The following PLEKHO1 variants were observed in gnomAD, a reference collection of about 807,000 sequenced individuals.
PLEKHO1 encodes pleckstrin homology domain-containing family O member 1.
A neutral mutation model predicts 41.4 loss-of-function variants in PLEKHO1; 22 were observed. That is an observed-to-expected ratio of 0.53 (90% confidence interval 0.38 to 0.76). The LOEUF (loss-of-function observed/expected upper bound fraction) is 0.76, where lower values mean the gene tolerates loss of function less well. Among genes scored for constraint, PLEKHO1 ranks in the 30% least tolerant of loss-of-function variants. The pLI is 0.00. For synonymous variants in PLEKHO1, 225 were observed against 210.8 expected, an observed-to-expected ratio of 1.07 and a Z score of -0.58; for missense variants, 488 against 518.3, an observed-to-expected ratio of 0.94 and a Z score of 0.57.
Position 150,159,768 on chromosome 1 carries a change from A to G in PLEKHO1, c.*245A>G, listed in dbSNP as rs587615940. On this transcript the variant is annotated 3_prime_UTR_variant, in exon 6 of 6. Transcript: ENST00000369124. ...AGGAAGTTTTTACCCAGCCAGAGAG[A>G]GAGAAGGCACGGTAAAGACACAGTC... 2.3e-5 allele frequency: 10 copies of G among 436,248 alleles called. No homozygotes were observed. Among genetic ancestry groups the G allele is most frequent in the South Asian group, 2.1e-4 (5 of 23,710 alleles). The allele number at this position is 436,248 out of a possible 1,614,324, so 27.0% of individuals were successfully genotyped here. A position where few individuals can be genotyped will look rare whatever the true frequency, so the allele number is the denominator to read the frequency against.
Position 150,156,058 on chromosome 1 carries a change from TCCCC to T in PLEKHO1, c.178-7_178-4del. 1 of 1,611,410 alleles carries T rather than the reference TCCCC, an allele frequency of 6.2e-7. No homozygotes were observed. Among genetic ancestry groups the T allele is most frequent in the Non-Finnish European group, 8.5e-7 (1 of 1,178,144 alleles). On this transcript the variant is annotated splice_region_variant and splice_polypyrimidine_tract_variant and intron_variant, in intron 2 of 5. Transcript: ENST00000369124. ...TATCCTCCTCACCTCACCCCAACCCTCCCCTAGGTAAAAGATGAGAAAAATATTC... is the reference window on the plus strand; with the variant it reads ...TATCCTCCTCACCTCACCCCAACCCTTAGGTAAAAGATGAGAAAAATATTC...
intron 3 of PLEKHO1, among the ~76,000 whole-genome samples, chr1:150,156,440 T>C (rs1660171547): frequency 6.6e-6 from 1 of 152,212 alleles, no homozygotes; most frequent in Admixed American, 6.5e-5. Flanking sequence ...TATCTCTTTA[T>C]TTTTCTCTGT....
intron 1 of PLEKHO1, 47 bp downstream of exon 1, chr1:150,150,334 G>T: frequency 1.0e-6 from 1 of 956,676 alleles, no homozygotes; most frequent in South Asian, 4.2e-5. Flanking sequence ...TCCGCGCTCT[G>T]ACGACCCCCG....
intron 5 of PLEKHO1, among the ~76,000 whole-genome samples, chr1:150,158,211 A>C (rs1410274133): frequency 5.3e-5 from 8 of 152,216 alleles, no homozygotes; most frequent in Non-Finnish European, 1.0e-4. Context: ...TCCTGTGTGC[A>C]TCAGATGCAG....
intron 2 of PLEKHO1, 139 bp from the exon 3 acceptor site, chr1:150,155,927 G>C: frequency 1.4e-6 from 1 of 727,622 alleles, no homozygotes; most frequent in Non-Finnish European, 2.3e-6. Flanking sequence ...TGTAGGCTTT[G>C]GGCAGACGGC....
rs1553821049 is a variant in PLEKHO1 at position 150,158,815 on chromosome 1, A to C, written c.526-4A>C. 1.3e-6 allele frequency: 2 copies of C among 1,587,028 alleles called. No individual in the cohort carries two copies. Among genetic ancestry groups the C allele is most frequent in the South Asian group, 2.2e-5 (2 of 89,788 alleles). ...TCCCCACTCATTCCCCCCTTCCTCC[A>C]CAGGCTTCCACCTCTACCTCGGATG... On this transcript the variant is annotated splice_polypyrimidine_tract_variant and splice_region_variant and intron_variant, in intron 5 of 5. Coordinates refer to ENST00000369124, the MANE Select transcript of PLEKHO1 (RefSeq NM_016274.6).
chr1:150,151,066 C>T lies in PLEKHO1; in HGVS notation c.177+8C>T, dbSNP rs1553818850. 6 of 1,613,560 alleles carry T rather than the reference C, an allele frequency of 3.7e-6. No homozygotes were observed. The highest frequency in any genetic ancestry group is 1.6e-4 in the Middle Eastern group (1 of 6,084). ...TACATCTCTGAGAAGGAGGTGGGTGCCTCTTGCCTCTAACTCTCCGTTTTC... is the reference window on the plus strand; with the variant it reads ...TACATCTCTGAGAAGGAGGTGGGTGTCTCTTGCCTCTAACTCTCCGTTTTC... On this transcript the variant is annotated splice_region_variant and intron_variant, in intron 2 of 5. Transcript: ENST00000369124.
chr1:150,156,062 C>G lies in PLEKHO1; in HGVS notation c.178-4C>G, dbSNP rs1553820334. The G allele has an allele frequency of 1.9e-6, 3 of 1,612,688 alleles. No individual in the cohort carries two copies. The highest frequency in any genetic ancestry group is 1.1e-5 in the South Asian group (1 of 90,938). Reference sequence around the variant, plus strand: ...CTCCTCACCTCACCCCAACCCTCCCCTAGGTAAAAGATGAGAAAAATATTC... The same window carrying G: ...CTCCTCACCTCACCCCAACCCTCCCGTAGGTAAAAGATGAGAAAAATATTC... On this transcript the variant is annotated splice_polypyrimidine_tract_variant and splice_region_variant and intron_variant, in intron 2 of 5. Transcript: ENST00000369124.
chr1:150,159,498 G>T lies in PLEKHO1; in HGVS notation c.1205G>T (p.Ser402Ile). ...DSHLRQTTPH[S>I]QYRKSLM ...CACCTCAGACAGACCACCCCGCACAGTCAGTACCGGAAGAGCCTGATGTGA... is the reference window on the plus strand; with the variant it reads ...CACCTCAGACAGACCACCCCGCACATTCAGTACCGGAAGAGCCTGATGTGA... The change falls in exon 6 of 6, where the codon AGT becomes ATT. Residue 402 changes from serine (S) to isoleucine (I), a missense_variant. By Grantham distance (142) the Ser-to-Ile change is moderately radical. This residue lies in a region of PLEKHO1 where 337 missense variants were observed against 324.6 expected (regional missense o/e 1.04). Coordinates refer to ENST00000369124, the MANE Select transcript of PLEKHO1 (RefSeq NM_016274.6). The T allele has an allele frequency of 6.2e-7, 1 of 1,610,712 alleles. No individual in the cohort carries two copies. The highest frequency in any genetic ancestry group is 8.5e-7 in the Non-Finnish European group (1 of 1,177,850).
rs1470919514 is a variant in PLEKHO1 at position 150,150,888 on chromosome 1, G to A, written c.31-24G>A. The A allele has an allele frequency of 3.7e-6, 6 of 1,610,832 alleles. No individual in the cohort carries two copies. In the African/African-American group the frequency reaches 6.7e-5, roughly 18 times the overall value. The stretch of plus-strand genomic sequence containing the variant: ...GCCGGCTGGAATCTCCTAACCGCCC[G>A]CTTCTCATCTTGTCCTGGGGCAGGG... On this transcript the variant is annotated intron_variant, in intron 1 of 5. Coordinates refer to ENST00000369124, the MANE Select transcript of PLEKHO1 (RefSeq NM_016274.6).
Position 150,157,497 on chromosome 1 carries a change from CTG to C in PLEKHO1, c.525+13_525+14del, listed in dbSNP as rs781882060. Reference sequence around the variant, plus strand: ...CACCTAATGGCTGTGGTATGTAAGACTGTAATAAACATTGCCAAAGGGCCAAT... The same window carrying C: ...CACCTAATGGCTGTGGTATGTAAGACTAATAAACATTGCCAAAGGGCCAAT... On this transcript the variant is annotated intron_variant, in intron 5 of 5. Transcript: ENST00000369124. The C allele has an allele frequency of 1.3e-6, 2 of 1,568,830 alleles. No homozygotes were observed. The highest frequency in any genetic ancestry group is 1.8e-6 in the Non-Finnish European group (2 of 1,139,496).
chr1:150,151,111 ACTCCCCAAGGG>A, intron 2 of PLEKHO1, 53 bp downstream of exon 2: 3 of 1,599,654 alleles, frequency 1.9e-6, no homozygotes, highest in Non-Finnish European at 2.6e-6. Flanking sequence ...CCACTTTGTC[ACTCCCCAAGGG>A]CTCGCCTAGC....
intron 5 of PLEKHO1, among the ~76,000 whole-genome samples, chr1:150,158,555 G>A (rs1271321600): frequency 6.6e-6 from 1 of 151,902 alleles, no homozygotes; most frequent in Non-Finnish European, 1.5e-5. Flanking sequence ...TGGGCGTGGT[G>A]GTGCACGCAT....
chr1:150,156,283 G>T (rs1201658817), intron 3 of PLEKHO1, 77 bp downstream of exon 3: 1 of 1,236,618 alleles, frequency 8.1e-7, no homozygotes, highest in African/African-American at 1.5e-5. Context: ...CTTCCCCTCA[G>T]TTTCTCTCTC....
In PLEKHO1 at chr1:150,157,452, G is replaced by A; in HGVS notation, c.491G>A (p.Arg164His). ...GACAGGGCAAAAATCCAGCACTCCC[G>A]CCGCCCCCCAACAAGGGGACACCTA... ...TRDRAKIQHS[R>H]RPPTRGHLMA... Residue 164 changes from arginine (R) to histidine (H), a missense_variant, in exon 5 of 6, where the codon CGC becomes CAC. Physicochemically the swap from Arg to His is conservative, Grantham distance 29 (BLOSUM62 0). Transcript: ENST00000369124. 3 of 1,613,606 alleles carry A rather than the reference G, an allele frequency of 1.9e-6. No homozygotes were observed. The highest frequency in any genetic ancestry group is 1.1e-5 in the South Asian group (1 of 91,064).
In PLEKHO1 at chr1:150,158,988, C is replaced by A; in HGVS notation, c.695C>A (p.Pro232His). 2 of 1,614,130 alleles carry A rather than the reference C, an allele frequency of 1.2e-6. No homozygotes were observed. The highest frequency in any genetic ancestry group is 1.7e-6 in the Non-Finnish European group (2 of 1,180,006). ...RRRADSDRIQPSADRASSLSR... is the reference protein window; with the variant it reads ...RRRADSDRIQHSADRASSLSR... ...AGAGCGGACTCAGACCGCATCCAGC[C>A]CTCCGCAGACCGGGCAAGCAGTCTC... Residue 232 changes from proline (P) to histidine (H), a missense_variant, in exon 6 of 6, where the codon CCC becomes CAC. By Grantham distance (77) the Pro-to-His change is moderately conservative. This residue lies in a region of PLEKHO1 where 337 missense variants were observed against 324.6 expected (regional missense o/e 1.04). Coordinates refer to ENST00000369124, the MANE Select transcript of PLEKHO1 (RefSeq NM_016274.6).
chr1:150,157,875 C>T (rs1233500647), intron 5 of PLEKHO1, among the ~76,000 whole-genome samples: 1 of 152,138 alleles, frequency 6.6e-6, no homozygotes, highest in South Asian at 2.1e-4. Context: ...TGCCTCTGAG[C>T]TCTTAAGTCT....
At chr1:150,151,727 A>ATT (rs781991140) in intron 2 of PLEKHO1, among the ~76,000 whole-genome samples, 12 of 151,634 alleles carry the variant, frequency 7.9e-5, no homozygotes, top group Non-Finnish European at 1.5e-4. Context: ...GGAGTTAAGA[A>ATT]CCCCTGTATG....
chr1:150,157,140 C>T (rs1660205561), intron 4 of PLEKHO1, 125 bp downstream of exon 4: 2 of 724,306 alleles, frequency 2.8e-6, no homozygotes, highest in African/African-American at 3.5e-5. Flanking sequence ...ACTTCTTTAC[C>T]ACCCTTTTAA....
Sources: allele counts gnomAD v4.1 joint callset (sites outside exome capture counted in the v4.1 genomes callset), GRCh38; gene constraint gnomAD v4.1.1; regional missense constraint gnomAD v4.1.1; transcripts MANE v1.5; gene names NCBI Gene and HGNC (gene_info 2026-07-23, HGNC 2026-07-21).